The following TTC39C variants were observed in gnomAD, a reference collection of about 807,000 sequenced individuals.
TTC39C encodes the protein tetratricopeptide repeat domain 39C, also known as tetratricopeptide repeat protein 39C.
In TTC39C, 33 loss-of-function variants were observed where a neutral mutation model predicts 76.3. That is an observed-to-expected ratio of 0.43 (90% confidence interval 0.33 to 0.58). The LOEUF (loss-of-function observed/expected upper bound fraction) is 0.58, where lower values mean the gene tolerates loss of function less well. Among genes scored for constraint, TTC39C ranks in the 20% least tolerant of loss-of-function variants. TTC39C has a pLI of 0.04. For missense variants in TTC39C, 595 were observed against 701.4 expected (o/e 0.85, Z 1.71); for synonymous variants, 254 against 260.6 (o/e 0.97, Z 0.24).
chr18:24,024,553 G>A (rs2083574204), intron 1 of TTC39C, among the ~76,000 whole-genome samples: 1 of 152,092 alleles, frequency 6.6e-6, no homozygotes, highest in African/African-American at 2.4e-5. Flanking sequence ...CAAAATACTG[G>A]CTGTTGAAGT....
In TTC39C at chr18:24,045,700, G is replaced by C. The variant is rs187373906; in HGVS notation, c.168-18440G>C. 5.8e-3 allele frequency among the ~76,000 whole-genome samples: 884 copies of C among 151,442 alleles called. 9 individuals are homozygous for C. The highest frequency in any genetic ancestry group is 0.014 in the Middle Eastern group (4 of 294). Reference sequence around the variant, plus strand: ...ATAGATGAAATTTAATTATATATTGGTGTTTTAAATTACTTCTTCTGTGTG... The same window carrying C: ...ATAGATGAAATTTAATTATATATTGCTGTTTTAAATTACTTCTTCTGTGTG... On this transcript the variant is annotated intron_variant, in intron 1 of 13. Transcript: ENST00000317571.
At chr18:24,124,101 A>T in intron 9 of TTC39C, 158 bp downstream of exon 9, 1 of 539,750 alleles carries the variant, frequency 1.9e-6, no homozygotes. Context: ...CCATGATTGT[A>T]CATCTGCTCT....
At chr18:24,102,095 T>C (rs2084683519) in intron 6 of TTC39C, among the ~76,000 whole-genome samples, 1 of 152,176 alleles carries the variant, frequency 6.6e-6, no homozygotes, top group Admixed American at 6.5e-5. Flanking sequence ...TAATGCAGCC[T>C]GGGAAGGGTA....
intron 1 of TTC39C, among the ~76,000 whole-genome samples, chr18:24,041,883 C>T (rs1272928757): frequency 1.3e-5 from 2 of 152,112 alleles, no homozygotes; most frequent in African/African-American, 4.8e-5. Flanking sequence ...GTTAAACTTC[C>T]CTTTCAGCCC....
intron 1 of TTC39C, among the ~76,000 whole-genome samples, chr18:24,062,064 G>A (rs2084108420): frequency 6.6e-6 from 1 of 152,202 alleles, no homozygotes. Flanking sequence ...CTTCAAGGAG[G>A]GAAAATGGTT....
intron 10 of TTC39C, among the ~76,000 whole-genome samples, chr18:24,125,989 C>A (rs181483407): frequency 2.0e-5 from 3 of 152,270 alleles, no homozygotes; most frequent in African/African-American, 7.2e-5. Flanking sequence ...GAGTTTGAGA[C>A]CAACCTGGGC....
At chr18:24,008,740 G>A (rs550055691) in intron 1 of TTC39C, among the ~76,000 whole-genome samples, 15 of 152,152 alleles carry the variant, frequency 9.9e-5, no homozygotes, top group African/African-American at 1.9e-4. Context: ...ACATGTCTTC[G>A]TAAAGACACA....
At chr18:24,008,732 A>G (rs1014151971) in intron 1 of TTC39C, among the ~76,000 whole-genome samples, 4 of 152,226 alleles carry the variant, frequency 2.6e-5, no homozygotes, top group Non-Finnish European at 5.9e-5. Context: ...GCATGTACAC[A>G]TGTCTTCGTA....
intron 6 of TTC39C, among the ~76,000 whole-genome samples, chr18:24,101,311 A>AG (rs1437773097): frequency 6.6e-6 from 1 of 151,414 alleles, no homozygotes; most frequent in Non-Finnish European, 1.5e-5. Flanking sequence ...TTCATAAAAA[A>AG]AAAAAAAAAA....
chr18:24,115,859 A>T (rs559656210), intron 7 of TTC39C, among the ~76,000 whole-genome samples: 2 of 152,394 alleles, frequency 1.3e-5, no homozygotes, highest in Admixed American at 6.5e-5. Context: ...AGCTCTGCTT[A>T]GTAGCCACAA....
chr18:24,027,028 A>G lies in TTC39C; in HGVS notation c.167+11990A>G, dbSNP rs1016882953. Among the ~76,000 whole-genome samples, 11 of 152,314 alleles carry G rather than the reference A, an allele frequency of 7.2e-5. No individual in the cohort carries two copies. The East Asian group carries it at 2.1e-3, about 29-fold the overall frequency. ...AGAAATCGGCTGGGCACAGTGCCTC[A>G]CACCTGTGATCCTAGCACTTCGGGA... is the stretch of plus-strand genomic sequence containing the variant. On this transcript the variant is annotated intron_variant, in intron 1 of 13. Coordinates refer to ENST00000317571, the MANE Select transcript of TTC39C (RefSeq NM_001135993.2).
intron 6 of TTC39C, among the ~76,000 whole-genome samples, chr18:24,091,818 G>A (rs968969790): frequency 2.0e-5 from 3 of 152,002 alleles, no homozygotes; most frequent in Non-Finnish European, 4.4e-5. Context: ...GGGCAGGCGC[G>A]GTGGCTCACG....
rs749967385 is a variant in TTC39C, at chr18:24,082,925, C to A, written c.828C>A (p.Leu276=). 1 of 1,610,942 alleles carries A rather than the reference C, an allele frequency of 6.2e-7. No homozygotes were observed. The highest frequency in any genetic ancestry group is 1.3e-5 in the African/African-American group (1 of 74,900). Residue 276 remains leucine (L), a synonymous_variant, in exon 6 of 14, where the codon CTC becomes CTA. Transcript: ENST00000317571. The stretch of plus-strand genomic sequence containing the variant: ...CCTCTTCCTCTAGATTAGCTCTGCT[C>A]TGGTATCATACTGTAGTCCGCCCGT... The part of the protein sequence containing the change: ...MKAPLATLAL[L]WYHTVVRPFF...
chr18:24,082,840 A>G, intron 5 of TTC39C, 73 bp from the exon 6 acceptor site: 1 of 1,458,500 alleles, frequency 6.9e-7, no homozygotes, highest in Non-Finnish European at 9.2e-7. Context: ...AAGAACACAT[A>G]CTGGAGTTTT....
intron 4 of TTC39C, among the ~76,000 whole-genome samples, chr18:24,078,600 C>A (rs1481455910): frequency 6.6e-6 from 1 of 152,206 alleles, no homozygotes; most frequent in South Asian, 2.1e-4. Flanking sequence ...GCTTCCAAGG[C>A]TTTGCTCTGC....
At chr18:24,082,415 CTATT>C (rs1193040481) in intron 5 of TTC39C, among the ~76,000 whole-genome samples, 4 of 151,776 alleles carry the variant, frequency 2.6e-5, no homozygotes, top group Non-Finnish European at 4.4e-5. Context: ...TCCTTTTGAC[CTATT>C]TATTTGTGCA....
chr18:24,123,565 C>T (rs2085005566), intron 8 of TTC39C: 3 of 269,244 alleles, frequency 1.1e-5, no homozygotes, highest in Admixed American at 5.3e-5. Flanking sequence ...TGCCACCACG[C>T]CTGGCTTATT....
chr18:24,042,970 G>A (rs985663133), intron 1 of TTC39C, among the ~76,000 whole-genome samples: 1 of 152,104 alleles, frequency 6.6e-6, no homozygotes, highest in African/African-American at 2.4e-5. Flanking sequence ...TCTGTGTTCA[G>A]TGCCTGCAGA....
chr18:24,063,134 T>C (rs997703194), intron 1 of TTC39C, among the ~76,000 whole-genome samples: 1 of 152,266 alleles, frequency 6.6e-6, no homozygotes, highest in African/African-American at 2.4e-5. Context: ...TTCCTTTTAG[T>C]GCAATTTATA....
Sources: gnomAD v4.1 joint callset for allele counts (sites outside exome capture counted in the v4.1 genomes callset) on GRCh38, gnomAD v4.1.1 for gene constraint, MANE v1.5 for transcripts, NCBI Gene and HGNC (gene_info 2026-07-23, HGNC 2026-07-21) for gene names.